CDS2: variants seen among roughly 807,000 people sequenced by gnomAD.
CDS2 encodes the protein phosphatidate cytidylyltransferase 2.
Under a neutral mutation model 59.0 loss-of-function variants are expected in CDS2, and 47 were observed. The ratio of observed to expected loss-of-function variants is 0.80; its 90% CI spans 0.63 to 1.02. The LOEUF is 1.02. Among genes scored for constraint, CDS2 ranks in the 50% least tolerant of loss-of-function variants. CDS2 has a pLI of 0.00. For synonymous variants in CDS2, 207 were observed against 206.4 expected, an observed-to-expected ratio of 1.00 and a Z score of -0.02; for missense variants, 356 against 558.9, an observed-to-expected ratio of 0.64 and a Z score of 3.66.
intron 11 of CDS2, 34 bp downstream of exon 11, chr20:5,189,220 C>T (rs1271240699): frequency 2.5e-6 from 4 of 1,613,342 alleles, no homozygotes; most frequent in Middle Eastern, 3.3e-4. Context: ...TCTCATCTCA[C>T]TCCCTCACCC....
intron 1 of CDS2, among the ~76,000 whole-genome samples, chr20:5,149,844 T>C (rs558246140): frequency 6.6e-6 from 1 of 152,068 alleles, no homozygotes; most frequent in African/African-American, 2.4e-5. Context: ...GCCTCCTGAG[T>C]AGCTGGGATT....
At chr20:5,186,567 A>C in intron 9 of CDS2, 120 bp from the exon 10 acceptor site, 1 of 871,550 alleles carries the variant, frequency 1.1e-6, no homozygotes, top group Non-Finnish European at 1.8e-6. Flanking sequence ...CTCTGAGCAC[A>C]TAGCTCGCAG....
At chr20:5,172,240 C>A (rs1466659330) in intron 1 of CDS2, among the ~76,000 whole-genome samples, 1 of 152,140 alleles carries the variant, frequency 6.6e-6, no homozygotes, top group African/African-American at 2.4e-5. Flanking sequence ...TTACAAAAGT[C>A]CCCGTTGTGG....
chr20:5,168,597 A>G (rs755812184), intron 1 of CDS2: 3 of 518,660 alleles, frequency 5.8e-6, no homozygotes, highest in Non-Finnish European at 1.2e-5. Flanking sequence ...CTTGAGAAAT[A>G]TCCAGGTAGG....
At chr20:5,161,555 T>A (rs2090876970) in intron 1 of CDS2, among the ~76,000 whole-genome samples, 1 of 152,256 alleles carries the variant, frequency 6.6e-6, no homozygotes, top group African/African-American at 2.4e-5. Context: ...TGACACATAC[T>A]TTGTGTAAGT....
chr20:5,157,382 C>T (rs934727438), intron 1 of CDS2, among the ~76,000 whole-genome samples: 1 of 152,004 alleles, frequency 6.6e-6, no homozygotes, highest in Admixed American at 6.6e-5. Context: ...TTAGGACAAA[C>T]ATCTGAAGAG....
chr20:5,134,766 C>T (rs943656887), intron 1 of CDS2, among the ~76,000 whole-genome samples: 1 of 152,178 alleles, frequency 6.6e-6, no homozygotes, highest in Non-Finnish European at 1.5e-5. Flanking sequence ...GGTGATCTGC[C>T]TGCCTTGGCC....
intron 1 of CDS2, among the ~76,000 whole-genome samples, chr20:5,131,316 G>A (rs1308714648): frequency 6.6e-6 from 1 of 152,160 alleles, no homozygotes; most frequent in Non-Finnish European, 1.5e-5. Context: ...GTTCTCCTCT[G>A]GGAACTGTGC....
intron 1 of CDS2, among the ~76,000 whole-genome samples, chr20:5,158,017 C>T (rs767869934): frequency 6.6e-6 from 1 of 152,144 alleles, no homozygotes; most frequent in Non-Finnish European, 1.5e-5. Flanking sequence ...TTTCTTAAAA[C>T]ATTATGAGTT....
intron 1 of CDS2, among the ~76,000 whole-genome samples, chr20:5,137,899 C>T (rs560688425): frequency 2.1e-4 from 32 of 151,452 alleles, no homozygotes; most frequent in Admixed American, 1.6e-3. Flanking sequence ...CCCGGGTTCA[C>T]GACATTCTCC....
At chr20:5,177,467 C>T (rs1250820142) in intron 4 of CDS2, among the ~76,000 whole-genome samples, 1 of 152,116 alleles carries the variant, frequency 6.6e-6, no homozygotes, top group Non-Finnish European at 1.5e-5. Flanking sequence ...GGAAAGGATT[C>T]AGCTTTCTTA....
chr20:5,129,040 T>A (rs1211652279), intron 1 of CDS2, among the ~76,000 whole-genome samples: 1 of 152,188 alleles, frequency 6.6e-6, no homozygotes, highest in Non-Finnish European at 1.5e-5. Context: ...TTTCACATCC[T>A]GTACTTTAGA....
chr20:5,160,180 T>A (rs1438586583), intron 1 of CDS2, among the ~76,000 whole-genome samples: 1 of 152,192 alleles, frequency 6.6e-6, no homozygotes, highest in Non-Finnish European at 1.5e-5. Context: ...TGAATTAAAT[T>A]TAAAAGAAAG....
intron 2 of CDS2, 23 bp downstream of exon 2, chr20:5,173,682 G>T (rs528055668): frequency 1.9e-6 from 3 of 1,613,502 alleles, no homozygotes; most frequent in East Asian, 4.5e-5. Context: ...AATGATGCAG[G>T]TGCTTGTTGG....
intron 1 of CDS2, among the ~76,000 whole-genome samples, chr20:5,129,726 G>T (rs1310313652): frequency 2.0e-5 from 3 of 151,570 alleles, no homozygotes; most frequent in Non-Finnish European, 4.4e-5. Flanking sequence ...ATAGGCATGA[G>T]CCACTGTACC....
intron 7 of CDS2, 78 bp downstream of exon 7, chr20:5,183,221 GCCCTCA>G: frequency 5.0e-6 from 6 of 1,210,896 alleles, no homozygotes; most frequent in Non-Finnish European, 7.3e-6. Context: ...TAAGCCAGTG[GCCCTCA>G]CCTTGAGCCA....
rs754330814 is a variant in CDS2 at position 5,189,690 on chromosome 20, A to G, written c.1102-45A>G. 4 of 1,432,102 alleles carry G rather than the reference A, an allele frequency of 2.8e-6. No homozygotes were observed. The East Asian group carries it at 9.1e-5, about 33-fold the overall frequency. The allele number at this position is 1,432,102 out of a possible 1,614,324, so 88.7% of individuals were successfully genotyped here. On this transcript the variant is annotated intron_variant, in intron 11 of 12. Coordinates refer to ENST00000460006, the MANE Select transcript of CDS2 (RefSeq NM_003818.4). The stretch of plus-strand genomic sequence containing the variant: ...TGGGACCATTAGGCTGGGATTGGTT[A>G]GTGGCTGAGCCCAAGTTCACCCATC...
At chr20:5,166,766 G>A (rs570585578) in intron 1 of CDS2, among the ~76,000 whole-genome samples, 2 of 152,200 alleles carry the variant, frequency 1.3e-5, no homozygotes, top group Non-Finnish European at 2.9e-5. Context: ...TGGGTTTCGT[G>A]ACAAAGTCCT....
intron 1 of CDS2, among the ~76,000 whole-genome samples, chr20:5,143,067 C>T (rs2090708548): frequency 1.3e-5 from 2 of 152,040 alleles, no homozygotes; most frequent in South Asian, 2.1e-4. Flanking sequence ...TGGTCTTGAA[C>T]TCCTGGGCTC....
Sources: allele counts gnomAD v4.1 joint callset (sites outside exome capture counted in the v4.1 genomes callset), GRCh38; gene constraint gnomAD v4.1.1; transcripts MANE v1.5; gene names NCBI Gene and HGNC (gene_info 2026-07-23, HGNC 2026-07-21).